The following RBFOX1 variants were observed in gnomAD, a reference collection of about 807,000 sequenced individuals.
The protein encoded by RBFOX1 is RNA binding fox-1 homolog 1.
Under a neutral mutation model 57.7 loss-of-function variants are expected in RBFOX1, and 8 were observed. That is an observed-to-expected ratio of 0.14 (90% CI 0.08 to 0.25). The LOEUF is 0.25. RBFOX1 is among the 10% of genes least tolerant of loss of function. RBFOX1 has a pLI of 1.00. For synonymous variants in RBFOX1, 326 were observed against 222.4 expected (o/e 1.47, Z -4.15); for missense variants, 611 against 548.5 (o/e 1.11, Z -1.14).
At chr16:7,369,603 C>G (rs1382854977) in intron 4 of RBFOX1, among the ~76,000 whole-genome samples, 1 of 152,106 alleles carries the variant, frequency 6.6e-6, no homozygotes, top group Non-Finnish European at 1.5e-5. Flanking sequence ...TGCTGATTAT[C>G]TCAATACTTT....
chr16:7,372,578 C>A (rs1327736152), intron 4 of RBFOX1, among the ~76,000 whole-genome samples: 1 of 152,080 alleles, frequency 6.6e-6, no homozygotes, highest in Admixed American at 6.6e-5. Flanking sequence ...TTGCATCTGA[C>A]TTAGGAAGAA....
chr16:7,151,054 C>G (rs1055441989), intron 4 of RBFOX1, among the ~76,000 whole-genome samples: 2 of 152,168 alleles, frequency 1.3e-5, no homozygotes, highest in Non-Finnish European at 2.9e-5. Flanking sequence ...CAGAAGTTCT[C>G]TCCCTCAAAT....
At chr16:7,216,844 C>T (rs543895516) in intron 4 of RBFOX1, among the ~76,000 whole-genome samples, 101 of 152,144 alleles carry the variant, frequency 6.6e-4, no homozygotes, top group Middle Eastern at 3.4e-3. Context: ...TTACTTTTTA[C>T]CAAGTTCTAG....
At chr16:7,056,828 T>A (rs578238545) in intron 4 of RBFOX1, among the ~76,000 whole-genome samples, 1 of 152,136 alleles carries the variant, frequency 6.6e-6, no homozygotes, top group Non-Finnish European at 1.5e-5. Flanking sequence ...CAAATACTGA[T>A]CTGCAATATG....
intron 4 of RBFOX1, among the ~76,000 whole-genome samples, chr16:7,195,860 C>T (rs988256065): frequency 1.2e-4 from 19 of 152,062 alleles, no homozygotes; most frequent in African/African-American, 4.6e-4. Context: ...GCTCGATGCT[C>T]ATAATTTTAG....
chr16:6,257,003 G>A (rs745358791), intron 1 of RBFOX1, among the ~76,000 whole-genome samples: 13 of 152,100 alleles, frequency 8.5e-5, no homozygotes, highest in Admixed American at 2.0e-4. Flanking sequence ...AGATTTGTAG[G>A]AACTTTGAGA....
intron 4 of RBFOX1, among the ~76,000 whole-genome samples, chr16:7,329,387 A>G (rs1486473722): frequency 6.6e-6 from 1 of 152,170 alleles, no homozygotes; most frequent in Admixed American, 6.6e-5. Context: ...GTAGCCCGAC[A>G]TTTGCCATGA....
chr16:7,530,095 T>A (rs1205838043), intron 5 of RBFOX1, among the ~76,000 whole-genome samples: 1 of 152,100 alleles, frequency 6.6e-6, no homozygotes. Context: ...GCTTGGATGC[T>A]TCAGTGTGAC....
At chr16:7,074,525 G>C (rs1289499262) in intron 4 of RBFOX1, among the ~76,000 whole-genome samples, 1 of 151,910 alleles carries the variant, frequency 6.6e-6, no homozygotes, top group Non-Finnish European at 1.5e-5. Context: ...TAGAACTAAG[G>C]AACAGGAAGA....
chr16:6,545,561 C>G, intron 2 of RBFOX1, among the ~76,000 whole-genome samples: 1 of 152,184 alleles, frequency 6.6e-6, no homozygotes, highest in African/African-American at 2.4e-5. Flanking sequence ...GGTTTAGACT[C>G]TGCAGAAACG....
intron 4 of RBFOX1, among the ~76,000 whole-genome samples, chr16:7,090,196 T>C (rs890054497): frequency 1.9e-4 from 29 of 152,216 alleles, no homozygotes; most frequent in Non-Finnish European, 3.8e-4. Context: ...GTCTCATGGA[T>C]ATAAAAGTGA....
intron 3 of RBFOX1, among the ~76,000 whole-genome samples, chr16:6,890,353 T>C (rs1399161920): frequency 6.6e-6 from 1 of 152,128 alleles, no homozygotes; most frequent in Non-Finnish European, 1.5e-5. Context: ...ACCCCGTCTC[T>C]ACTAAAAATA....
intron 4 of RBFOX1, among the ~76,000 whole-genome samples, chr16:7,277,182 G>A (rs1012473495): frequency 6.6e-6 from 1 of 152,074 alleles, no homozygotes; most frequent in East Asian, 1.9e-4. Context: ...GCAATTAACC[G>A]ACTTTTATTT....
At chr16:6,796,487 TTTTCAATAAATAACTC>T (rs1311889670) in intron 3 of RBFOX1, among the ~76,000 whole-genome samples, 1 of 152,168 alleles carries the variant, frequency 6.6e-6, no homozygotes, top group Non-Finnish European at 1.5e-5. Flanking sequence ...TCATTTTCCA[TTTTCAATAAATAACTC>T]TTTCATCCAC....
chr16:6,594,318 C>G (rs969035573), intron 2 of RBFOX1, among the ~76,000 whole-genome samples: 2 of 152,018 alleles, frequency 1.3e-5, no homozygotes, highest in Non-Finnish European at 2.9e-5. Context: ...CCTGGGAGGC[C>G]GACAAGATCC....
intron 4 of RBFOX1, among the ~76,000 whole-genome samples, chr16:7,488,582 G>A (rs12447795): frequency 6.6e-6 from 1 of 152,034 alleles, no homozygotes. Context: ...TATCCATTCT[G>A]ACATCGTCTA....
At position 6,131,405 on chromosome 16, in the gene RBFOX1, C is replaced by T. The variant is rs113407653; in HGVS notation, c.-127+111413C>T. On this transcript the variant is annotated intron_variant, in intron 1 of 15. Transcript: ENST00000550418. ...TGAGTAGTGGAGATAGAGACTATGG[C>T]AGAAAAAACCTAAAATATTTATGAT... Among the ~76,000 whole-genome samples, 2 of 151,866 alleles carry T rather than the reference C, an allele frequency of 1.3e-5. 1 individual carries two copies. Among genetic ancestry groups the T allele is most frequent in the Non-Finnish European group, 2.9e-5 (2 of 68,006 alleles).
At chr16:7,217,498 C>T (rs987003051) in intron 4 of RBFOX1, among the ~76,000 whole-genome samples, 1 of 151,798 alleles carries the variant, frequency 6.6e-6, no homozygotes, top group African/African-American at 2.4e-5. Context: ...TCCTGGTGTT[C>T]GGGAGTCTGC....
chr16:7,205,059 T>C lies in RBFOX1; in HGVS notation c.27+152961T>C, dbSNP rs553730170. Among the ~76,000 whole-genome samples the C allele has an allele frequency of 2.4e-4, 37 of 152,294 alleles. 1 individual carries two copies. In the South Asian group the frequency reaches 7.7e-3, roughly 32 times the overall value. On this transcript the variant is annotated intron_variant, in intron 4 of 15. Coordinates refer to ENST00000550418, the MANE Select transcript of RBFOX1 (RefSeq NM_018723.4). ...AGTATGATGCCACTCCTCTATGAGA[T>C]AGAGGTAGAAGTTACATGTGGAATA...
Sources: allele counts gnomAD v4.1 joint callset (sites outside exome capture counted in the v4.1 genomes callset), GRCh38; gene constraint gnomAD v4.1.1; transcripts MANE v1.5; gene names NCBI Gene and HGNC (gene_info 2026-07-23, HGNC 2026-07-21).